ITGBL1: variants seen among roughly 807,000 people sequenced by gnomAD.
ITGBL1 encodes integrin beta-like protein 1.
A neutral mutation model predicts 68.5 loss-of-function variants in ITGBL1; 51 were observed. The ratio of observed to expected loss-of-function variants is 0.74; its 90% CI spans 0.59 to 0.94. ITGBL1 has a LOEUF of 0.94. Among genes scored for constraint, ITGBL1 ranks in the 40% least tolerant of loss-of-function variants. The pLI is 0.00. For synonymous variants in ITGBL1, 209 were observed against 227.3 expected, an observed-to-expected ratio of 0.92 and a Z score of 0.72; for missense variants, 649 against 647.4, an observed-to-expected ratio of 1.00 and a Z score of -0.03.
intron 7 of ITGBL1, among the ~76,000 whole-genome samples, chr13:101,673,853 A>C (rs1421278712): frequency 6.6e-6 from 1 of 152,182 alleles, no homozygotes; most frequent in Non-Finnish European, 1.5e-5. Flanking sequence ...AAATGTGGCT[A>C]AAGGGTTTCA....
chr13:101,536,053 C>CT (rs67314696), intron 2 of ITGBL1, among the ~76,000 whole-genome samples: 5 of 151,060 alleles, frequency 3.3e-5, no homozygotes, highest in Non-Finnish European at 5.9e-5. Context: ...CCTTTTCTAT[C>CT]TTTTTTTTTT....
intron 8 of ITGBL1, among the ~76,000 whole-genome samples, chr13:101,695,268 G>A (rs547538503): frequency 6.6e-6 from 1 of 152,302 alleles, no homozygotes; most frequent in African/African-American, 2.4e-5. Context: ...ACTTGGCCAA[G>A]TAGGGGAAGT....
chr13:101,499,345 C>G (rs2048905258), intron 2 of ITGBL1, among the ~76,000 whole-genome samples: 1 of 152,132 alleles, frequency 6.6e-6, no homozygotes, highest in Non-Finnish European at 1.5e-5. Context: ...TTCTGTCAAC[C>G]CCTCCCTCAT....
rs181237378 is a variant in ITGBL1 at position 101,609,809 on chromosome 13, C to G, written c.1015+11510C>G. ...ACTAATAGTCCAGAAAACTGTATTACTACCAAGTAAGAGAGAGTATTTTTT... is the reference window on the plus strand; with the variant it reads ...ACTAATAGTCCAGAAAACTGTATTAGTACCAAGTAAGAGAGAGTATTTTTT... On this transcript the variant is annotated intron_variant, in intron 7 of 10. Transcript: ENST00000376180. Among the ~76,000 whole-genome samples, 34 of 152,202 alleles carry G rather than the reference C, an allele frequency of 2.2e-4. No homozygotes were observed. The East Asian group carries it at 5.4e-3, about 24-fold the overall frequency.
At chr13:101,501,118 C>T (rs902540685) in intron 2 of ITGBL1, among the ~76,000 whole-genome samples, 1 of 152,160 alleles carries the variant, frequency 6.6e-6, no homozygotes, top group African/African-American at 2.4e-5. Context: ...GGTGGTTCAC[C>T]TTTTGGCTCC....
intron 2 of ITGBL1, among the ~76,000 whole-genome samples, chr13:101,552,497 A>G (rs567108137): frequency 6.6e-6 from 1 of 152,310 alleles, no homozygotes; most frequent in East Asian, 1.9e-4. Context: ...TGTTTTTGTG[A>G]TAGCTGATCT....
At chr13:101,504,786 G>T (rs946069378) in intron 2 of ITGBL1, among the ~76,000 whole-genome samples, 1 of 152,142 alleles carries the variant, frequency 6.6e-6, no homozygotes, top group African/African-American at 2.4e-5. Context: ...GACTTGCTTT[G>T]GTAGCTGCTG....
chr13:101,545,323 A>G (rs2049800391), intron 2 of ITGBL1, among the ~76,000 whole-genome samples: 2 of 152,208 alleles, frequency 1.3e-5, no homozygotes, highest in African/African-American at 4.8e-5. Flanking sequence ...AGAAGAATAG[A>G]TGCACACAGG....
chr13:101,494,230 A>C (rs2048822602), intron 2 of ITGBL1, among the ~76,000 whole-genome samples: 1 of 152,236 alleles, frequency 6.6e-6, no homozygotes. Context: ...CAGAGCAATT[A>C]TGCGGCTTAC....
At chr13:101,710,942 C>T (rs1442783990) in intron 9 of ITGBL1, 1 of 152,152 alleles carries the variant, frequency 6.6e-6, no homozygotes, top group Non-Finnish European at 1.5e-5. Flanking sequence ...GTGAAAACTG[C>T]CTGCTGGGAT....
chr13:101,460,982 A>G (rs751813695), intron 2 of ITGBL1, among the ~76,000 whole-genome samples: 4 of 152,182 alleles, frequency 2.6e-5, no homozygotes, highest in Non-Finnish European at 4.4e-5. Context: ...GGGGACACAC[A>G]TCCAAACTAT....
At chr13:101,570,353 T>C (rs961274107) in intron 3 of ITGBL1, among the ~76,000 whole-genome samples, 1 of 152,136 alleles carries the variant, frequency 6.6e-6, no homozygotes, top group Non-Finnish European at 1.5e-5. Flanking sequence ...GTTGGCATAA[T>C]AACATATTCC....
In ITGBL1 at chr13:101,715,654, A is replaced by G; in HGVS notation, c.1485A>G (p.Ter495=). ...CEIWLGSEYP[*] ...TCTGGCTTGGCTCAGAATATCCTTAACAATTACATGAGAGAGGTCTGGATT... is the reference window on the plus strand; with the variant it reads ...TCTGGCTTGGCTCAGAATATCCTTAGCAATTACATGAGAGAGGTCTGGATT... The change falls in exon 11 of 11, where the codon TAA becomes TAG. Residue 495 remains the stop codon, a stop_retained_variant. Transcript: ENST00000376180. The G allele has an allele frequency of 6.3e-7, 1 of 1,595,838 alleles. No individual in the cohort carries two copies. Among genetic ancestry groups the G allele is most frequent in the Non-Finnish European group, 8.6e-7 (1 of 1,163,452 alleles).
At chr13:101,618,590 T>C (rs1300445286) in intron 7 of ITGBL1, among the ~76,000 whole-genome samples, 1 of 152,138 alleles carries the variant, frequency 6.6e-6, no homozygotes, top group Non-Finnish European at 1.5e-5. Context: ...GTAAAGGGAC[T>C]TAGACAACCT....
At chr13:101,461,344 T>C (rs2048315080) in intron 2 of ITGBL1, among the ~76,000 whole-genome samples, 1 of 152,156 alleles carries the variant, frequency 6.6e-6, no homozygotes. Context: ...ATACATATTG[T>C]TACATCTGAC....
chr13:101,567,486 T>A (rs1469088335), intron 2 of ITGBL1, among the ~76,000 whole-genome samples: 6 of 152,164 alleles, frequency 3.9e-5, no homozygotes, highest in African/African-American at 1.4e-4. Context: ...TAAATTAATG[T>A]TTTTATAATT....
intron 2 of ITGBL1, among the ~76,000 whole-genome samples, chr13:101,562,808 C>T (rs1276824368): frequency 6.6e-6 from 1 of 151,772 alleles, no homozygotes; most frequent in African/African-American, 2.4e-5. Flanking sequence ...ATATTACCAG[C>T]TTGACCAAAT....
At chr13:101,497,166 T>A (rs1054043298) in intron 2 of ITGBL1, among the ~76,000 whole-genome samples, 2 of 152,260 alleles carry the variant, frequency 1.3e-5, no homozygotes, top group Non-Finnish European at 2.9e-5. Context: ...AGAAGTAGCC[T>A]TCTGGCTCTG....
At position 101,525,535 on chromosome 13, in the gene ITGBL1, T is replaced by TTC. The variant is rs72243589; in HGVS notation, c.317-42163_317-42162insCT. On this transcript the variant is annotated intron_variant, in intron 2 of 10. Coordinates refer to ENST00000376180, the MANE Select transcript of ITGBL1 (RefSeq NM_004791.3). ...GAAACACAGGCACCTTGTTTTTTTTTTTATGTGGAAAAAATTAGGTTTCTT... is the reference window on the plus strand; with the variant it reads ...GAAACACAGGCACCTTGTTTTTTTTTTCTTATGTGGAAAAAATTAGGTTTCTT... Among the ~76,000 whole-genome samples, 202 of 114,204 alleles carry TTC rather than the reference T, an allele frequency of 1.8e-3. 1 individual carries two copies. The highest frequency in any genetic ancestry group is 4.7e-3 in the African/African-American group (176 of 37,324). The allele number at this position is 114,204 out of a possible 152,430, so 74.9% of individuals were successfully genotyped here. A position where few individuals can be genotyped will look rare whatever the true frequency, so the allele number is the denominator to read the frequency against.
Sources: gnomAD v4.1 joint callset for allele counts (sites outside exome capture counted in the v4.1 genomes callset) on GRCh38, gnomAD v4.1.1 for gene constraint, MANE v1.5 for transcripts, NCBI Gene and HGNC (gene_info 2026-07-23, HGNC 2026-07-21) for gene names.